The following HPSE2 variants were observed in gnomAD, a reference collection of about 807,000 sequenced individuals.
The protein encoded by HPSE2 is heparanase 2 (inactive).
A neutral mutation model predicts 60.5 loss-of-function variants in HPSE2; 38 were observed. That is an observed-to-expected ratio of 0.63 (90% CI 0.48 to 0.82). The LOEUF is 0.82. Among genes scored for constraint, HPSE2 ranks in the 40% least tolerant of loss-of-function variants. HPSE2 has a pLI of 0.00. For synonymous variants in HPSE2, 295 were observed against 293.2 expected (o/e 1.01, Z -0.06); for missense variants, 713 against 740.4 (o/e 0.96, Z 0.43).
At chr10:98,853,552 T>C (rs1279767888) in intron 3 of HPSE2, among the ~76,000 whole-genome samples, 1 of 152,160 alleles carries the variant, frequency 6.6e-6, no homozygotes, top group African/African-American at 2.4e-5. Flanking sequence ...TTTCCGCACA[T>C]ATCATTAGGA....
chr10:98,567,153 T>C (rs1944370337), intron 9 of HPSE2, among the ~76,000 whole-genome samples: 1 of 152,188 alleles, frequency 6.6e-6, no homozygotes, highest in Admixed American at 6.5e-5. Context: ...CCACCGACTC[T>C]GACACAGGTA....
At chr10:98,459,862 C>T in intron 11 of HPSE2, 123 bp from the exon 12 acceptor site, 1 of 926,716 alleles carries the variant, frequency 1.1e-6, no homozygotes, top group Admixed American at 2.0e-5. Flanking sequence ...CTTATTGTTA[C>T]TGGCTATGCC....
chr10:98,690,141 C>T (rs1365670615), intron 6 of HPSE2, among the ~76,000 whole-genome samples: 2 of 152,152 alleles, frequency 1.3e-5, no homozygotes, highest in Non-Finnish European at 2.9e-5. Flanking sequence ...GAGATTTCTA[C>T]CCTCAATTTC....
In HPSE2 at chr10:98,974,551, C is replaced by T. The variant is rs1003995165; in HGVS notation, c.610+169687G>A. The stretch of plus-strand genomic sequence containing the variant: ...AAAGTGCTGGGATTACAGGTGTGAG[C>T]CACTGCACCCGGCCTAGTTTTGCTT... On this transcript the variant is annotated intron_variant, in intron 3 of 11. Transcript: ENST00000370552. Among the ~76,000 whole-genome samples the T allele has an allele frequency of 2.6e-5, 4 of 152,242 alleles. No homozygotes were observed. In the East Asian group the frequency reaches 7.7e-4, roughly 29 times the overall value.
intron 3 of HPSE2, among the ~76,000 whole-genome samples, chr10:99,042,892 T>C (rs1957772133): frequency 6.6e-6 from 1 of 152,284 alleles, no homozygotes; most frequent in African/African-American, 2.4e-5. Context: ...CTAAGTCTAT[T>C]GGCCTTAAGC....
rs1361866454 is a variant in HPSE2 at position 98,465,711 on chromosome 10, T to C, written c.1614-5972A>G. ...CTTTCTTTGAAAACCGTCCTTATCA[T>C]ATTTTCATCATATTCTGAGACCTCC... On this transcript the variant is annotated intron_variant, in intron 11 of 11. Transcript: ENST00000370552. 3.3e-5 allele frequency among the ~76,000 whole-genome samples: 5 copies of C among 152,230 alleles called. No homozygotes were observed. In the East Asian group the frequency reaches 9.6e-4, roughly 29 times the overall value.
intron 9 of HPSE2, among the ~76,000 whole-genome samples, chr10:98,598,376 C>T (rs1253326388): frequency 6.6e-6 from 1 of 151,776 alleles, no homozygotes; most frequent in African/African-American, 2.4e-5. Context: ...GATCCTGGAT[C>T]CACTGTGGTA....
intron 5 of HPSE2, among the ~76,000 whole-genome samples, chr10:98,704,303 A>T (rs987866021): frequency 6.6e-6 from 1 of 152,214 alleles, no homozygotes; most frequent in Non-Finnish European, 1.5e-5. Flanking sequence ...GGATAGGAAG[A>T]ATCAATACCG....
At chr10:98,662,889 T>C (rs892558677) in intron 6 of HPSE2, among the ~76,000 whole-genome samples, 3 of 152,126 alleles carry the variant, frequency 2.0e-5, no homozygotes, top group African/African-American at 4.8e-5. Context: ...CAAACAGAGA[T>C]CTATTTAGGG....
intron 3 of HPSE2, among the ~76,000 whole-genome samples, chr10:98,881,213 G>C (rs1470446625): frequency 6.6e-6 from 1 of 152,074 alleles, no homozygotes; most frequent in African/African-American, 2.4e-5. Context: ...GCTTTTGGGA[G>C]GTTTATTCTT....
At chr10:99,177,806 G>A (rs1185344037) in intron 2 of HPSE2, among the ~76,000 whole-genome samples, 3 of 152,000 alleles carry the variant, frequency 2.0e-5, no homozygotes, top group African/African-American at 4.8e-5. Flanking sequence ...GCCCCAAATC[G>A]ACAGATTATA....
chr10:99,211,086 T>C (rs939807967), intron 2 of HPSE2, among the ~76,000 whole-genome samples: 6 of 151,784 alleles, frequency 4.0e-5, no homozygotes, highest in East Asian at 1.9e-4. Context: ...AAAATCAACA[T>C]ACAAAACTCA....
intron 3 of HPSE2, among the ~76,000 whole-genome samples, chr10:99,109,706 TC>T (rs1844385264): frequency 6.6e-6 from 1 of 152,264 alleles, no homozygotes; most frequent in African/African-American, 2.4e-5. Flanking sequence ...TCTTCCATTC[TC>T]CTCTTCTACA....
intron 9 of HPSE2, among the ~76,000 whole-genome samples, chr10:98,564,394 G>T (rs611806): frequency 0.85 from 129,346 of 152,222 alleles, 56,226 homozygotes; most frequent in East Asian, 1. Flanking sequence ...AAGTGTGGTA[G>T]TATTTGCAGA....
rs143110377 is a variant in HPSE2 at position 98,596,901 on chromosome 10, T to C, written c.1320+18003A>G. Among the ~76,000 whole-genome samples, 652 of 152,300 alleles carry C rather than the reference T, an allele frequency of 4.3e-3. 3 individuals carry two copies. The highest frequency in any genetic ancestry group is 0.015 in the African/African-American group (628 of 41,546). ...CTCATACTGTTAATAAAGACATACC[T>C]GAGACTGGGTAATTTATAAAGGAAA... On this transcript the variant is annotated intron_variant, in intron 9 of 11. Coordinates refer to ENST00000370552, the MANE Select transcript of HPSE2 (RefSeq NM_021828.5).
intron 9 of HPSE2, among the ~76,000 whole-genome samples, chr10:98,564,706 A>G (rs1047172612): frequency 6.6e-6 from 1 of 152,220 alleles, no homozygotes; most frequent in African/African-American, 2.4e-5. Context: ...AACTAAACCA[A>G]ACAAACATTT....
chr10:98,597,673 GAA>G (rs35585915), intron 9 of HPSE2, among the ~76,000 whole-genome samples: 87 of 135,694 alleles, frequency 6.4e-4, no homozygotes, highest in Middle Eastern at 3.7e-3. Context: ...TCTGTCTCAA[GAA>G]AAAAAAAAAA....
At chr10:98,785,687 G>A (rs1950555397) in intron 3 of HPSE2, among the ~76,000 whole-genome samples, 1 of 146,472 alleles carries the variant, frequency 6.8e-6, no homozygotes, top group Non-Finnish European at 1.5e-5. Flanking sequence ...TGTATGTGTC[G>A]AGGAATGTAT....
At chr10:98,802,403 C>T (rs1048742576) in intron 3 of HPSE2, among the ~76,000 whole-genome samples, 15 of 150,726 alleles carry the variant, frequency 1.0e-4, no homozygotes, top group African/African-American at 3.4e-4. Context: ...ATGTGCCATG[C>T]TGGTGTGCTG....
Sources: gnomAD v4.1 joint callset for allele counts (sites outside exome capture counted in the v4.1 genomes callset) on GRCh38, gnomAD v4.1.1 for gene constraint, MANE v1.5 for transcripts, NCBI Gene and HGNC (gene_info 2026-07-23, HGNC 2026-07-21) for gene names.